SCN11A: variants seen among roughly 807,000 people sequenced by gnomAD.
SCN11A encodes sodium voltage-gated channel alpha subunit 11, also known as sodium channel protein type 11 subunit alpha.
In SCN11A, 122 loss-of-function variants were observed where a neutral mutation model predicts 162.2. The ratio of observed to expected loss-of-function variants is 0.75; its 90% CI spans 0.65 to 0.87. The LOEUF is 0.87. Among genes scored for constraint, SCN11A ranks in the 40% least tolerant of loss-of-function variants. The pLI is 0.00. For missense variants in SCN11A, 2,015 were observed against 2,181.6 expected (o/e 0.92, Z 1.52); for synonymous variants, 758 against 751.5 (o/e 1.01, Z -0.14).
At chr3:39,048,136 A>G (rs1023893679) in intron 1 of SCN11A, among the ~76,000 whole-genome samples, 1 of 152,204 alleles carries the variant, frequency 6.6e-6, no homozygotes, top group African/African-American at 2.4e-5. Flanking sequence ...CAAAAGAAGA[A>G]TGGATAAAGA....
chr3:38,955,368 A>G (rs2066668904), intron 3 of SCN11A, among the ~76,000 whole-genome samples: 2 of 152,226 alleles, frequency 1.3e-5, no homozygotes, highest in Non-Finnish European at 2.9e-5. Context: ...AACTCAAATA[A>G]ATCTGACAAA....
rs756577106 is a variant in SCN11A at position 38,950,371 on chromosome 3, TC to T, written c.-7-3del. On this transcript the variant is annotated splice_polypyrimidine_tract_variant and splice_region_variant and intron_variant, in intron 4 of 29. Coordinates refer to ENST00000302328, the MANE Select transcript of SCN11A (RefSeq NM_001349253.2). Reference sequence around the variant, plus strand: ...TAGCATCTGTCATCCATCTTCACCCTCAGGACAGAGACAAGCCACAGATCCT... The same window carrying T: ...TAGCATCTGTCATCCATCTTCACCCTAGGACAGAGACAAGCCACAGATCCT... The T allele has an allele frequency of 6.8e-6, 11 of 1,612,256 alleles. No individual in the cohort carries two copies. The highest frequency in any genetic ancestry group is 1.3e-5 in the African/African-American group (1 of 74,892).
At position 38,846,795 on chromosome 3, in the gene SCN11A, G is replaced by T. The variant is rs756161746; in HGVS notation, c.5275C>A (p.Gln1759Lys). 6.2e-7 allele frequency: 1 copy of T among 1,614,008 alleles called. No individual in the cohort carries two copies. The highest frequency in any genetic ancestry group is 2.2e-5 in the East Asian group (1 of 44,864). Residue 1759 changes from glutamine to lysine, a missense_variant, in exon 30 of 30, where the codon CAA becomes AAA. Physicochemically the swap from Gln to Lys is moderately conservative, Grantham distance 53. Coordinates refer to ENST00000302328, the MANE Select transcript of SCN11A (RefSeq NM_001349253.2). ...TGAGGCCCGTTTTCCAAGTCATTTT[G>T]GTCACCTTGGTCACCCTTGGTCACC... ...MKVTKGDQGD[Q>K]NDLENGPHSP...
At chr3:38,872,398 C>A (rs2065143568) in intron 23 of SCN11A, 104 bp from the exon 24 acceptor site, 4 of 669,964 alleles carry the variant, frequency 6.0e-6, no homozygotes, top group East Asian at 2.6e-5. Flanking sequence ...AACGTGGGAA[C>A]AATGCACTCA....
At chr3:39,007,813 G>T (rs560302322) in intron 2 of SCN11A, among the ~76,000 whole-genome samples, 2 of 152,294 alleles carry the variant, frequency 1.3e-5, no homozygotes, top group South Asian at 4.1e-4. Flanking sequence ...AGACATTGTA[G>T]CAAATTATCA....
chr3:38,917,788 C>G (rs190760149), intron 11 of SCN11A, among the ~76,000 whole-genome samples: 129 of 152,170 alleles, frequency 8.5e-4, no homozygotes, highest in African/African-American at 3.0e-3. Context: ...CATATGTACC[C>G]CTGAACTTAA....
At chr3:38,850,457 C>T in intron 29 of SCN11A, 24 bp downstream of exon 29, 1 of 1,597,788 alleles carries the variant, frequency 6.3e-7, no homozygotes, top group South Asian at 1.1e-5. Flanking sequence ...TCTTAAAGTC[C>T]CTCTGACTGC....
At chr3:38,930,344 G>T (rs923915336) in intron 7 of SCN11A, among the ~76,000 whole-genome samples, 4 of 152,214 alleles carry the variant, frequency 2.6e-5, no homozygotes, top group African/African-American at 7.2e-5. Context: ...TTTCTGAGCT[G>T]CTCACCTTTT....
chr3:38,891,456 G>C (rs2065498360), intron 19 of SCN11A, among the ~76,000 whole-genome samples: 1 of 151,258 alleles, frequency 6.6e-6, no homozygotes, highest in Non-Finnish European at 1.5e-5. Context: ...GAAAGGAACA[G>C]AAAAAATACT....
At chr3:38,935,511 T>C (rs2066316374) in intron 7 of SCN11A, among the ~76,000 whole-genome samples, 1 of 151,578 alleles carries the variant, frequency 6.6e-6, no homozygotes. Context: ...GAGAGAATAA[T>C]CAAATAGAAG....
chr3:38,892,558 C>T (rs1575255541), intron 19 of SCN11A, among the ~76,000 whole-genome samples: 2 of 152,072 alleles, frequency 1.3e-5, no homozygotes, highest in East Asian at 3.9e-4. Context: ...TGAAGACAGC[C>T]AAGAGTAACT....
chr3:38,985,257 A>T (rs2030195758), intron 2 of SCN11A, among the ~76,000 whole-genome samples: 1 of 147,066 alleles, frequency 6.8e-6, no homozygotes. Flanking sequence ...CCTCCCGAGT[A>T]GCTGGGACTA....
intron 1 of SCN11A, among the ~76,000 whole-genome samples, chr3:39,043,602 A>T (rs1200106885): frequency 1.3e-5 from 2 of 151,170 alleles, no homozygotes; most frequent in African/African-American, 4.8e-5. Context: ...GTTCCCACTT[A>T]TTTGTGGGAT....
intron 2 of SCN11A, among the ~76,000 whole-genome samples, chr3:39,002,308 G>T (rs527660484): frequency 9.8e-5 from 15 of 152,298 alleles, no homozygotes; most frequent in Middle Eastern, 3.4e-3. Context: ...TCTATAATAT[G>T]ACCCACAACC....
intron 22 of SCN11A, among the ~76,000 whole-genome samples, chr3:38,882,913 A>T (rs1176884273): frequency 6.6e-6 from 1 of 152,208 alleles, no homozygotes; most frequent in African/African-American, 2.4e-5. Context: ...TAGAGGAAGA[A>T]CTATGTAGGA....
chr3:38,909,700 A>G (rs990728193), intron 12 of SCN11A, among the ~76,000 whole-genome samples: 5 of 149,526 alleles, frequency 3.3e-5, no homozygotes, highest in Non-Finnish European at 7.4e-5. Context: ...CTCCTGCCTC[A>G]TCTTTCCAAG....
chr3:38,909,793 G>C (rs943728480), intron 12 of SCN11A, among the ~76,000 whole-genome samples: 1 of 151,950 alleles, frequency 6.6e-6, no homozygotes, highest in Admixed American at 6.6e-5. Context: ...ATGTTGGCCA[G>C]GCTGGTCTCA....
In SCN11A at chr3:38,846,866, C is replaced by T. The variant is rs369612125; in HGVS notation, c.5204G>A (p.Arg1735Lys). 6.2e-6 allele frequency: 10 copies of T among 1,614,174 alleles called. No homozygotes were observed. The highest frequency in any genetic ancestry group is 8.5e-6 in the Non-Finnish European group (10 of 1,180,034). The change falls in exon 30 of 30, where the codon AGA (arginine) becomes AAA (lysine). Residue 1735 changes from arginine to lysine, a missense_variant. Arg to Lys is a conservative substitution (Grantham distance 26). Transcript: ENST00000302328. ...VTTTKRKEEE[R>K]GAAIIQKAFR... ...GGCCTTTTGAATAATAGCAGCACCT[C>T]TTTCCTCTTCCTTTCTCTTGGTGGT...
At chr3:38,861,358 C>T (rs927787696) in intron 28 of SCN11A, among the ~76,000 whole-genome samples, 1 of 152,048 alleles carries the variant, frequency 6.6e-6, no homozygotes, top group African/African-American at 2.4e-5. Context: ...CAACAAAATA[C>T]CACCGTCATC....
Sources: gnomAD v4.1 joint callset for allele counts (sites outside exome capture counted in the v4.1 genomes callset) on GRCh38, gnomAD v4.1.1 for gene constraint, MANE v1.5 for transcripts, NCBI Gene and HGNC (gene_info 2026-07-23, HGNC 2026-07-21) for gene names.